Variants in SLC26A3 observed in about 807,000 individuals in gnomAD.
SLC26A3 encodes solute carrier family 26 member 3, also known as chloride anion exchanger.
Under a neutral mutation model 85.6 loss-of-function variants are expected in SLC26A3, and 64 were observed. The observed-to-expected ratio is 0.75, with a 90% CI of 0.61 to 0.92. SLC26A3 has a LOEUF of 0.92. SLC26A3 is among the 40% of genes least tolerant of loss of function. The pLI, the probability that SLC26A3 is intolerant of heterozygous loss-of-function variation, is 0.00. For synonymous variants in SLC26A3, 349 were observed against 336.0 expected, an observed-to-expected ratio of 1.04 and a Z score of -0.42; for missense variants, 922 against 927.3, an observed-to-expected ratio of 0.99 and a Z score of 0.07.
chr7:107,774,582 G>A (rs1448828353), intron 16 of SLC26A3, among the ~76,000 whole-genome samples, 195 bp downstream of exon 16: 2 of 152,142 alleles, frequency 1.3e-5, no homozygotes, highest in Non-Finnish European at 2.9e-5. Context: ...GGACAATTGT[G>A]TTTGGTACTT....
rs1332783209 is a variant in SLC26A3 at position 107,793,784 on chromosome 7, T to C, written c.229A>G (p.Ile77Val). Residue 77 changes from isoleucine (I) to valine (V), a missense_variant, in exon 3 of 21, where the codon ATT becomes GTT. Ile to Val is a conservative substitution (Grantham distance 29). Transcript: ENST00000340010. ...YRLKEWLLSD[I>V]VSGISTGIVA... ...ATCCCTGTGCTGATACCAGAAACAA[T>C]ATCACTGAGCAACCATTCTTTAAGC... The C allele has an allele frequency of 1.2e-6, 2 of 1,614,088 alleles. No homozygotes were observed. The highest frequency in any genetic ancestry group is 1.7e-5 in the Admixed American group (1 of 60,028).
chr7:107,786,927 G>C lies in SLC26A3; in HGVS notation c.889-18C>G, dbSNP rs1794306134. 1 of 1,606,314 alleles carries C rather than the reference G, an allele frequency of 6.2e-7. No homozygotes were observed. ...ATCACGGTCTGCAAAGTTGCAAATG[G>C]CCCAAGTTAGAAATGTGAGATGCAA... On this transcript the variant is annotated intron_variant, in intron 7 of 20. Transcript: ENST00000340010.
intron 17 of SLC26A3, among the ~76,000 whole-genome samples, chr7:107,773,299 A>G (rs1794056218): frequency 6.6e-6 from 1 of 152,208 alleles, no homozygotes; most frequent in South Asian, 2.1e-4. Flanking sequence ...TAATTTAGAC[A>G]CAATGCCCAC....
chr7:107,801,586 T>C (rs962998635), intron 1 of SLC26A3, among the ~76,000 whole-genome samples: 3 of 152,234 alleles, frequency 2.0e-5, no homozygotes, highest in African/African-American at 7.2e-5. Flanking sequence ...ATTCTTGTAA[T>C]TGAAAAATAT....
At chr7:107,796,925 C>T (rs1284817785) in intron 1 of SLC26A3, among the ~76,000 whole-genome samples, 1 of 151,850 alleles carries the variant, frequency 6.6e-6, no homozygotes, top group Non-Finnish European at 1.5e-5. Context: ...TTGTCTTCCC[C>T]AAAAAAGATC....
chr7:107,788,784 C>CTTTTTTTTTTTTTTTTTTTTTTT (rs71861759), intron 6 of SLC26A3, among the ~76,000 whole-genome samples: 28 of 108,022 alleles, frequency 2.6e-4, no homozygotes, highest in Non-Finnish European at 3.3e-4. Flanking sequence ...TTTTTCTTTT[C>CTTTTTTTTTTTTTTTTTTTTTTT]TTTTTTTTTT....
In SLC26A3 at chr7:107,780,527, C is replaced by G. The variant is rs556415738; in HGVS notation, c.1312-764G>C. On this transcript the variant is annotated intron_variant, in intron 11 of 20. Coordinates refer to ENST00000340010, the MANE Select transcript of SLC26A3 (RefSeq NM_000111.3). ...ATCGTAATTGTAGGAACATGCCCCT[C>G]ACCGTCCTGTTCCCCCTGCCAATTT... Among the ~76,000 whole-genome samples the G allele has an allele frequency of 6.6e-5, 10 of 152,304 alleles. No individual in the cohort carries two copies. The South Asian group carries it at 1.7e-3, about 25-fold the overall frequency.
chr7:107,789,311 G>A (rs928504132), intron 6 of SLC26A3, among the ~76,000 whole-genome samples: 11 of 150,786 alleles, frequency 7.3e-5, no homozygotes, highest in East Asian at 5.8e-4. Context: ...TAGTAGAGAC[G>A]GGGTTTCACT....
At chr7:107,776,356 A>T in intron 15 of SLC26A3, 96 bp downstream of exon 15, 1 of 1,030,698 alleles carries the variant, frequency 9.7e-7, no homozygotes, top group Non-Finnish European at 1.5e-6. Flanking sequence ...AACATATGTG[A>T]CACAACCCAG....
At chr7:107,780,544 T>C (rs1295203682) in intron 11 of SLC26A3, among the ~76,000 whole-genome samples, 1 of 152,178 alleles carries the variant, frequency 6.6e-6, no homozygotes, top group African/African-American at 2.4e-5. Context: ...CTGTTCCCCC[T>C]GCCAATTTAT....
intron 18 of SLC26A3, among the ~76,000 whole-genome samples, chr7:107,770,930 T>C (rs763960855): frequency 6.6e-5 from 10 of 152,154 alleles, no homozygotes; most frequent in Non-Finnish European, 1.3e-4. Context: ...GAAGCAAGGA[T>C]GTTTTCAGTT....
Position 107,767,787 on chromosome 7 carries a change from A to T in SLC26A3, c.2184T>A (p.Thr728=), listed in dbSNP as rs554235767. 1 of 1,613,924 alleles carries T rather than the reference A, an allele frequency of 6.2e-7. No homozygotes were observed. The highest frequency in any genetic ancestry group is 2.2e-5 in the East Asian group (1 of 44,868). The part of the protein sequence containing the change: ...LHILMKKDYS[T]SKFNPSQEKD... ...ATACCTGACTGGGATTAAACTTTGA[A>T]GTACTGTAATCTTTCTTCATCAAAA... The change falls in exon 19 of 21, where the codon ACT becomes ACA. Residue 728 remains threonine (T), a synonymous_variant. Transcript: ENST00000340010.
chr7:107,772,830 A>G (rs1274089272), intron 17 of SLC26A3, among the ~76,000 whole-genome samples: 3 of 152,126 alleles, frequency 2.0e-5, no homozygotes, highest in Non-Finnish European at 4.4e-5. Flanking sequence ...ATAAACAAAA[A>G]CCAAAACCAA....
At position 107,776,536 on chromosome 7, in the gene SLC26A3, C is replaced by T. The variant is rs769935067; in HGVS notation, c.1593G>A (p.Glu531=). ...KNKKDYYDMY[E]PEGVKIFRCP... The stretch of plus-strand genomic sequence containing the variant: ...ATCTGAAAATTTTCACTCCTTCTGG[C>T]TCATACATCTGTAAGGCAGAGAAGC... The change falls in exon 15 of 21, where the codon GAG becomes GAA. Residue 531 remains glutamate (E), a synonymous_variant. Coordinates refer to ENST00000340010, the MANE Select transcript of SLC26A3 (RefSeq NM_000111.3). 2.5e-6 allele frequency: 4 copies of T among 1,613,874 alleles called. No individual in the cohort carries two copies. In the South Asian group the frequency reaches 4.4e-5, roughly 18 times the overall value.
In SLC26A3 at chr7:107,791,100, C is replaced by T. The variant is rs1794392127; in HGVS notation, c.518G>A (p.Arg173Lys). The T allele has an allele frequency of 6.2e-7, 1 of 1,614,186 alleles. No homozygotes were observed. The highest frequency in any genetic ancestry group is 8.5e-7 in the Non-Finnish European group (1 of 1,180,034). The change falls in exon 5 of 21, where the codon AGG becomes AAG. Residue 173 changes from arginine to lysine, a missense_variant. Coordinates refer to ENST00000340010, the MANE Select transcript of SLC26A3 (RefSeq NM_000111.3). ...TGATGCCGCCGCCGCCACCCTCACCCTCTCGTCATCCAGTAGTGAAGAATT... is the reference window on the plus strand; with the variant it reads ...TGATGCCGCCGCCGCCACCCTCACCTTCTCGTCATCCAGTAGTGAAGAATT... ...SNNSSLLDDE[R>K]VRVAAAASVT...
rs1400298000 is a variant in SLC26A3, at chr7:107,794,452, CA to C, written c.57del (p.Asn19LysfsTer42). 3 of 1,613,834 alleles carry C rather than the reference CA, an allele frequency of 1.9e-6. No homozygotes were observed. Among genetic ancestry groups the C allele is most frequent in the Non-Finnish European group, 2.5e-6 (3 of 1,179,872 alleles). On this transcript the variant is annotated frameshift_variant, in exon 2 of 21. Coordinates refer to ENST00000340010, the MANE Select transcript of SLC26A3 (RefSeq NM_000111.3). LOFTEE classifies it high-confidence loss of function. ...GTCTTTTTATGATTTTCCTCAAAAG[CA>C]TTTGTAGAATACACTGGCCTGGCCA... is the stretch of plus-strand genomic sequence containing the variant. ...YIVARPVYSTNAFEENHKKTG... is the reference protein window; with the variant it reads ...YIVARPVYSTXAFEENHKKTG...
chr7:107,792,724 T>A (rs1021671576), intron 3 of SLC26A3, among the ~76,000 whole-genome samples: 1 of 152,104 alleles, frequency 6.6e-6, no homozygotes, highest in Non-Finnish European at 1.5e-5. Flanking sequence ...AAGCACCCAA[T>A]GAAAAATACA....
chr7:107,789,507 G>A lies in SLC26A3; in HGVS notation c.735+17C>T, dbSNP rs1396686129. 2 of 1,607,256 alleles carry A rather than the reference G, an allele frequency of 1.2e-6. No homozygotes were observed. The highest frequency in any genetic ancestry group is 1.7e-6 in the Non-Finnish European group (2 of 1,174,050). ...TTTCATGTATTTCAGTATTTTTTAG[G>A]TGAAAGAAATACTTACTTTGAAAAT... On this transcript the variant is annotated intron_variant, in intron 6 of 20. Coordinates refer to ENST00000340010, the MANE Select transcript of SLC26A3 (RefSeq NM_000111.3).
chr7:107,780,189 G>A (rs1256947107), intron 11 of SLC26A3, among the ~76,000 whole-genome samples: 4 of 152,064 alleles, frequency 2.6e-5, no homozygotes, highest in African/African-American at 9.7e-5. Flanking sequence ...AGCTTGGGAA[G>A]CTTGAGGTCC....
Sources: gnomAD v4.1 joint callset for allele counts (sites outside exome capture counted in the v4.1 genomes callset) on GRCh38, gnomAD v4.1.1 for gene constraint, MANE v1.5 for transcripts, NCBI Gene and HGNC (gene_info 2026-07-23, HGNC 2026-07-21) for gene names.